Variants in CRADD observed in about 807,000 individuals in gnomAD.
The protein encoded by CRADD is CARD and death domain containing adaptor protein.
Under a neutral mutation model 15.5 loss-of-function variants are expected in CRADD, and 9 were observed. The observed-to-expected ratio is 0.58, with a 90% CI of 0.35 to 1.01. The LOEUF (loss-of-function observed/expected upper bound fraction) is 1.01. CRADD is among the 50% of genes least tolerant of loss of function. CRADD has a pLI of 0.02. For missense variants in CRADD, 227 were observed against 250.3 expected, an observed-to-expected ratio of 0.91 and a Z score of 0.63; for synonymous variants, 118 against 107.6, an observed-to-expected ratio of 1.10 and a Z score of -0.60.
At chr12:93,891,143 C>T (rs1366943633) in intron 2 of CRADD, among the ~76,000 whole-genome samples, 1 of 152,136 alleles carries the variant, frequency 6.6e-6, no homozygotes, top group Non-Finnish European at 1.5e-5. Context: ...CACATGTTCT[C>T]AGGATCTCCT....
chr12:93,703,978 CTTTTTTTTTTTT>C (rs71071759), intron 2 of CRADD, among the ~76,000 whole-genome samples: 44 of 90,270 alleles, frequency 4.9e-4, no homozygotes, highest in Non-Finnish European at 9.0e-4. Context: ...TGGAGCCTTT[CTTTTTTTTTTTT>C]TTTTTTTTTT....
rs141622688 is a variant in CRADD, at chr12:93,884,447, G to A, written c.299-9603G>A. The stretch of plus-strand genomic sequence containing the variant: ...AAAACAGCCTGAAGGCTGAAAAACC[G>A]TACTGCTGGTCCCAGATGAAGCCTA... On this transcript the variant is annotated intron_variant, in intron 2 of 2. Transcript: ENST00000548483. 3.2e-3 allele frequency among the ~76,000 whole-genome samples: 491 copies of A among 152,252 alleles called. 4 individuals are homozygous for A. Among genetic ancestry groups the A allele is most frequent in the African/African-American group, 0.011 (466 of 41,538 alleles).
intron 2 of CRADD, among the ~76,000 whole-genome samples, chr12:93,813,439 T>C (rs947889759): frequency 1.3e-5 from 2 of 152,360 alleles, no homozygotes; most frequent in East Asian, 3.9e-4. Flanking sequence ...TCAGGGAAAG[T>C]TGGGACAGAA....
chr12:93,706,489 G>A (rs548536963), intron 2 of CRADD, among the ~76,000 whole-genome samples: 2 of 152,158 alleles, frequency 1.3e-5, no homozygotes, highest in Non-Finnish European at 2.9e-5. Context: ...TAATGGTTCT[G>A]TATTTTTTTG....
chr12:93,800,164 C>T (rs1221590986), intron 2 of CRADD, among the ~76,000 whole-genome samples: 2 of 152,090 alleles, frequency 1.3e-5, no homozygotes, highest in Admixed American at 6.5e-5. Context: ...GATGCAGAAT[C>T]AGGAAAGCTG....
intron 2 of CRADD, among the ~76,000 whole-genome samples, chr12:93,695,000 G>A (rs777532667): frequency 2.6e-5 from 4 of 152,204 alleles, no homozygotes; most frequent in Non-Finnish European, 5.9e-5. Flanking sequence ...ACCCTGAATT[G>A]CCAAAGCAGT....
downstream of CRADD, among the ~76,000 whole-genome samples, chr12:93,851,010 G>C (rs189018514): frequency 2.4e-4 from 36 of 152,250 alleles, 1 homozygote; most frequent in Middle Eastern, 0.01. Flanking sequence ...AAGATCGCTC[G>C]AGAAAATCCT....
At chr12:93,693,898 C>T (rs964540027) in intron 2 of CRADD, among the ~76,000 whole-genome samples, 4 of 152,064 alleles carry the variant, frequency 2.6e-5, no homozygotes, top group African/African-American at 9.7e-5. Flanking sequence ...TGAATTCTGC[C>T]AAACATTCAA....
intron 2 of CRADD, among the ~76,000 whole-genome samples, chr12:93,683,438 G>A (rs1423088935): frequency 1.3e-5 from 2 of 152,264 alleles, no homozygotes; most frequent in African/African-American, 4.8e-5. Flanking sequence ...TGGGAACACA[G>A]CTCGGTGCCT....
intron 2 of CRADD, chr12:93,709,049 T>G (rs1269595264): frequency 6.6e-6 from 1 of 152,240 alleles, no homozygotes; most frequent in Non-Finnish European, 1.5e-5. Flanking sequence ...AGGTAAGATT[T>G]AGCAAAGTGG....
intron 2 of CRADD, among the ~76,000 whole-genome samples, chr12:93,884,525 C>T (rs539220113): frequency 7.9e-5 from 12 of 152,192 alleles, no homozygotes; most frequent in Non-Finnish European, 1.8e-4. Flanking sequence ...ACAGGGAGGA[C>T]GGGGTGGGGC....
intron 2 of CRADD, among the ~76,000 whole-genome samples, chr12:93,823,903 T>C (rs1957796085): frequency 6.6e-6 from 1 of 152,144 alleles, no homozygotes; most frequent in South Asian, 2.1e-4. Context: ...GGCCGGGAAA[T>C]TGTCAAATAT....
intron 2 of CRADD, among the ~76,000 whole-genome samples, chr12:93,684,741 A>G (rs1427722944): frequency 6.6e-6 from 1 of 152,166 alleles, no homozygotes; most frequent in Non-Finnish European, 1.5e-5. Context: ...AGCCTCTCTG[A>G]TGAGGGGACA....
intron 2 of CRADD, among the ~76,000 whole-genome samples, chr12:93,798,713 C>T (rs1489233910): frequency 6.6e-6 from 1 of 152,222 alleles, no homozygotes; most frequent in Admixed American, 6.5e-5. Context: ...GTTACTATTA[C>T]TGTACTGTTA....
At chr12:93,853,704 C>G (rs879395042), downstream of CRADD, among the ~76,000 whole-genome samples, 1 of 152,206 alleles carries the variant, frequency 6.6e-6, no homozygotes, top group African/African-American at 2.4e-5. Context: ...GCCTGATGAT[C>G]CAATCAGCTT....
intron 2 of CRADD, among the ~76,000 whole-genome samples, chr12:93,878,895 G>A (rs1435687249): frequency 6.6e-6 from 1 of 152,194 alleles, no homozygotes; most frequent in Non-Finnish European, 1.5e-5. Flanking sequence ...TGGTTCTGAT[G>A]AAAGTGTTTT....
intron 2 of CRADD, among the ~76,000 whole-genome samples, chr12:93,828,719 G>A (rs557794384): frequency 9.9e-4 from 151 of 152,310 alleles, no homozygotes; most frequent in Non-Finnish European, 1.6e-3. Flanking sequence ...AATACCCACT[G>A]TCAATTTCTA....
chr12:93,754,049 A>G (rs367786524), intron 2 of CRADD, among the ~76,000 whole-genome samples: 2 of 152,248 alleles, frequency 1.3e-5, no homozygotes, highest in African/African-American at 4.8e-5. Context: ...AGGCATTGCC[A>G]TACATTCTCT....
chr12:93,800,566 A>G (rs1742044158), intron 2 of CRADD, among the ~76,000 whole-genome samples: 1 of 151,994 alleles, frequency 6.6e-6, no homozygotes, highest in African/African-American at 2.4e-5. Context: ...GTTTAAAAGT[A>G]TGGCACTTAC....
Sources: gnomAD v4.1 joint callset for allele counts (sites outside exome capture counted in the v4.1 genomes callset) on GRCh38, gnomAD v4.1.1 for gene constraint, MANE v1.5 for transcripts, NCBI Gene and HGNC (gene_info 2026-07-23, HGNC 2026-07-21) for gene names.